The following CCDC7 variants were observed in gnomAD, a reference collection of about 807,000 sequenced individuals.
The protein encoded by CCDC7 is coiled-coil domain-containing protein 7.
A neutral mutation model predicts 196.9 loss-of-function variants in CCDC7; 183 were observed. That is an observed-to-expected ratio of 0.93 (90% confidence interval 0.82 to 1.05). The LOEUF is 1.05. Among genes scored for constraint, CCDC7 ranks in the 50% least tolerant of loss-of-function variants. CCDC7 has a pLI of 0.00. For missense variants in CCDC7, 1,540 were observed against 1,482.2 expected, an observed-to-expected ratio of 1.04 and a Z score of -0.64; for synonymous variants, 525 against 484.6, an observed-to-expected ratio of 1.08 and a Z score of -1.10.
At chr10:32,558,894 C>T (rs1022482216) in intron 13 of CCDC7, among the ~76,000 whole-genome samples, 1 of 152,250 alleles carries the variant, frequency 6.6e-6, no homozygotes, top group Admixed American at 6.5e-5. Context: ...CGCAAGGGGT[C>T]AGGGAGTTCC....
chr10:32,856,543 A>G (rs1177069082), intron 41 of CCDC7, among the ~76,000 whole-genome samples: 9 of 152,110 alleles, frequency 5.9e-5, no homozygotes, highest in Non-Finnish European at 1.0e-4. Context: ...AGTGAAGCCA[A>G]CATTGCACTG....
chr10:32,461,742 TATATATATAC>T (rs71027094), intron 3 of CCDC7, among the ~76,000 whole-genome samples: 5,496 of 73,632 alleles, frequency 0.075, 178 homozygotes, highest in Non-Finnish European at 0.091. Flanking sequence ...TATATATATA[TATATATATAC>T]ATATATATAT....
chr10:32,854,186 T>C (rs1783375556), intron 40 of CCDC7, among the ~76,000 whole-genome samples: 1 of 152,198 alleles, frequency 6.6e-6, no homozygotes, highest in Admixed American at 6.6e-5. Context: ...TCTTGATTTG[T>C]ACTCTTATAA....
intron 11 of CCDC7, among the ~76,000 whole-genome samples, chr10:32,528,742 AT>A (rs2135811332): frequency 6.9e-6 from 1 of 145,352 alleles, no homozygotes; most frequent in East Asian, 2.0e-4. Flanking sequence ...GTATATATGT[AT>A]ATATACATAT....
downstream of CCDC7, among the ~76,000 whole-genome samples, chr10:32,879,882 T>C (rs2094726631): frequency 6.6e-6 from 1 of 152,034 alleles, no homozygotes; most frequent in Admixed American, 6.6e-5. Flanking sequence ...AACGACATGA[T>C]CTCATTCCTT....
At position 32,835,518 on chromosome 10, in the gene CCDC7, A is replaced by T. The variant is rs562803793; in HGVS notation, c.3352+620A>T. ...AATGCAGACATAAAAAAGAAACAAGATCATGTCCTTTGCAGGGACATGGAT... is the reference window on the plus strand; with the variant it reads ...AATGCAGACATAAAAAAGAAACAAGTTCATGTCCTTTGCAGGGACATGGAT... On this transcript the variant is annotated intron_variant, in intron 33 of 41. Transcript: ENST00000639629. Among the ~76,000 whole-genome samples the T allele has an allele frequency of 1.1e-4, 17 of 152,258 alleles. No individual in the cohort carries two copies. In the South Asian group the frequency reaches 3.5e-3, roughly 32 times the overall value.
At chr10:32,498,902 C>T (rs2043363310) in intron 9 of CCDC7, among the ~76,000 whole-genome samples, 1 of 149,792 alleles carries the variant, frequency 6.7e-6, no homozygotes, top group Non-Finnish European at 1.5e-5. Flanking sequence ...TTGTCGTGTT[C>T]TCTGTATTTC....
intron 33 of CCDC7, among the ~76,000 whole-genome samples, chr10:32,837,261 G>A (rs958942514): frequency 8.5e-5 from 13 of 152,200 alleles, no homozygotes; most frequent in South Asian, 2.1e-4. Flanking sequence ...AAAAGTGGGC[G>A]AAGGATGTGA....
At chr10:32,485,106 C>T (rs919302697) in intron 8 of CCDC7, among the ~76,000 whole-genome samples, 43 of 152,284 alleles carry the variant, frequency 2.8e-4, no homozygotes, top group African/African-American at 7.7e-4. Context: ...TGGTAGAATT[C>T]GGCTGTGAAT....
intron 28 of CCDC7, among the ~76,000 whole-genome samples, chr10:32,772,766 G>C (rs2079368031): frequency 6.6e-6 from 1 of 152,150 alleles, no homozygotes; most frequent in African/African-American, 2.4e-5. Context: ...TCCTGCACTG[G>C]GTGAGATTAG....
Position 32,603,200 on chromosome 10 carries a change from G to A in CCDC7, c.1801+18896G>A, listed in dbSNP as rs934301033. ...AGCTCATACATAAGAATGAGAACAT[G>A]CAATATTCATCTTTCTATGCCTGGC... On this transcript the variant is annotated intron_variant, in intron 18 of 41. Transcript: ENST00000639629. 4.0e-5 allele frequency among the ~76,000 whole-genome samples: 6 copies of A among 150,812 alleles called. No individual in the cohort carries two copies. In the East Asian group the frequency reaches 1.2e-3, roughly 29 times the overall value.
At chr10:32,662,546 A>G (rs2071710753) in intron 20 of CCDC7, among the ~76,000 whole-genome samples, 1 of 152,090 alleles carries the variant, frequency 6.6e-6, no homozygotes, top group Admixed American at 6.6e-5. Context: ...AATGATGATA[A>G]GCATCTAATG....
intron 25 of CCDC7, among the ~76,000 whole-genome samples, 164 bp downstream of exon 26, chr10:32,711,894 T>G (rs571687463): frequency 6.6e-6 from 1 of 152,172 alleles, no homozygotes; most frequent in Non-Finnish European, 1.5e-5. Flanking sequence ...GATAATGATA[T>G]GTTTTGGTTA....
chr10:32,700,761 G>A (rs1458526378), intron 24 of CCDC7, among the ~76,000 whole-genome samples: 1 of 152,080 alleles, frequency 6.6e-6, no homozygotes, highest in East Asian at 1.9e-4. Context: ...TCCTTGAAGA[G>A]GTCCTTCACA....
intron 28 of CCDC7, among the ~76,000 whole-genome samples, chr10:32,733,808 C>T (rs2132879893): frequency 6.6e-6 from 1 of 152,128 alleles, no homozygotes; most frequent in South Asian, 2.1e-4. Flanking sequence ...TACTTTTTAT[C>T]TGGTAAATGG....
At chr10:32,674,122 G>GTT (rs750137390) in intron 21 of CCDC7, among the ~76,000 whole-genome samples, 102 of 150,594 alleles carry the variant, frequency 6.8e-4, no homozygotes, top group African/African-American at 2.2e-3. Flanking sequence ...TTCTAATTTT[G>GTT]TTTTTTTTTC....
At chr10:32,607,987 T>C (rs1352152588) in intron 18 of CCDC7, among the ~76,000 whole-genome samples, 1 of 152,178 alleles carries the variant, frequency 6.6e-6, no homozygotes, top group East Asian at 1.9e-4. Flanking sequence ...TTAATTTTAT[T>C]ACTCATTATT....
chr10:32,798,584 C>A (rs1181243298), intron 29 of CCDC7, among the ~76,000 whole-genome samples: 1 of 152,218 alleles, frequency 6.6e-6, no homozygotes, highest in Non-Finnish European at 1.5e-5. Context: ...ATCCACATAC[C>A]TCTTCCCCAA....
Position 32,531,593 on chromosome 10 carries a change from C to A in CCDC7, c.994-11707C>A, listed in dbSNP as rs557733651. Among the ~76,000 whole-genome samples the A allele has an allele frequency of 2.0e-5, 3 of 152,302 alleles. No homozygotes were observed. In the South Asian group the frequency reaches 6.2e-4, roughly 32 times the overall value. ...TGTAGAATGCATTTGGAAGCACTCC[C>A]TTCTCTTCTACTTTTGAAGGATTTG... On this transcript the variant is annotated intron_variant, in intron 11 of 41. Coordinates refer to ENST00000639629, the Ensembl canonical transcript of CCDC7.
Sources: allele counts gnomAD v4.1 joint callset (sites outside exome capture counted in the v4.1 genomes callset), GRCh38; gene constraint gnomAD v4.1.1; transcripts MANE v1.5; gene names NCBI Gene and HGNC (gene_info 2026-07-23, HGNC 2026-07-21).